The following OSBPL1A variants were observed in gnomAD, a reference collection of about 807,000 sequenced individuals.
The protein encoded by OSBPL1A is oxysterol binding protein like 1A.
Under a neutral mutation model 137.1 loss-of-function variants are expected in OSBPL1A, and 80 were observed. The observed-to-expected ratio is 0.58, with a 90% CI of 0.49 to 0.70. The LOEUF is 0.70. Among genes scored for constraint, OSBPL1A ranks in the 30% least tolerant of loss-of-function variants. The probability of loss-of-function intolerance (pLI) is 0.00; values close to 1 mark genes in which losing one functional copy is unlikely to be tolerated. For synonymous variants in OSBPL1A, 365 were observed against 389.7 expected (o/e 0.94, Z 0.75); for missense variants, 970 against 1,129.4 (o/e 0.86, Z 2.02).
chr18:24,362,554 T>C (rs897392300), intron 4 of OSBPL1A, among the ~76,000 whole-genome samples: 1 of 152,206 alleles, frequency 6.6e-6, no homozygotes, highest in Non-Finnish European at 1.5e-5. Flanking sequence ...TGAAACAATA[T>C]AATAATAAAT....
chr18:24,250,896 A>T (rs965462350), intron 15 of OSBPL1A, among the ~76,000 whole-genome samples: 1 of 152,204 alleles, frequency 6.6e-6, no homozygotes, highest in Non-Finnish European at 1.5e-5. Context: ...GGTGAGTCCC[A>T]GGCCTAGTAG....
At chr18:24,380,952 CAAAAA>C (rs60495683) in intron 1 of OSBPL1A, among the ~76,000 whole-genome samples, 1 of 123,200 alleles carries the variant, frequency 8.1e-6, no homozygotes. Context: ...AATTCCATCT[CAAAAA>C]AAAAAAAAAA....
rs1271199683 is a variant in OSBPL1A, at chr18:24,385,365, TGG to T, written c.-2-7832_-2-7831del. On this transcript the variant is annotated intron_variant, in intron 1 of 27. Transcript: ENST00000319481. ...ATAATTGCACCACTATATTCCAACC[TGG>T]GTAACAGAAGGAGATCCTGTCTCTA... Among the ~76,000 whole-genome samples the T allele has an allele frequency of 3.4e-4, 52 of 152,184 alleles. 1 individual carries two copies. Among genetic ancestry groups the T allele is most frequent in the African/African-American group, 1.2e-3 (49 of 41,518 alleles).
At chr18:24,293,227 G>A (rs1199319066) in intron 14 of OSBPL1A, among the ~76,000 whole-genome samples, 1 of 152,008 alleles carries the variant, frequency 6.6e-6, no homozygotes, top group East Asian at 1.9e-4. Context: ...ACTGGCGTGC[G>A]GGACACAGTT....
At chr18:24,345,636 A>C (rs2091334762) in intron 4 of OSBPL1A, among the ~76,000 whole-genome samples, 1 of 152,140 alleles carries the variant, frequency 6.6e-6, no homozygotes, top group Non-Finnish European at 1.5e-5. Flanking sequence ...CAATGAGCTG[A>C]GATTGTCCTG....
At chr18:24,326,313 C>A (rs2090978650) in intron 7 of OSBPL1A, among the ~76,000 whole-genome samples, 2 of 152,222 alleles carry the variant, frequency 1.3e-5, no homozygotes, top group Non-Finnish European at 2.9e-5. Flanking sequence ...GAGACACTTT[C>A]TGAGGTGTCT....
chr18:24,215,358 C>T (rs1185293613), intron 17 of OSBPL1A, among the ~76,000 whole-genome samples: 3 of 152,110 alleles, frequency 2.0e-5, no homozygotes, highest in African/African-American at 7.2e-5. Context: ...GGTCATAGCC[C>T]AGACAATGAG....
At chr18:24,169,684 G>A (rs867188622) in intron 24 of OSBPL1A, among the ~76,000 whole-genome samples, 3 of 152,154 alleles carry the variant, frequency 2.0e-5, no homozygotes, top group African/African-American at 4.8e-5. Context: ...AAAGGAATCC[G>A]TCCTCAAATA....
chr18:24,354,196 GA>G (rs1410615448), intron 4 of OSBPL1A, among the ~76,000 whole-genome samples: 2 of 151,908 alleles, frequency 1.3e-5, no homozygotes, highest in African/African-American at 4.8e-5. Flanking sequence ...AAGTGGTAAA[GA>G]ACCACCTCAA....
intron 18 of OSBPL1A, among the ~76,000 whole-genome samples, chr18:24,189,896 G>A (rs1175987197): frequency 1.3e-5 from 2 of 152,372 alleles, no homozygotes; most frequent in East Asian, 3.9e-4. Flanking sequence ...AGACACGCAG[G>A]CAGAAAGGAA....
At position 24,167,355 on chromosome 18, in the gene OSBPL1A, C is replaced by T. The variant is rs1290354073; in HGVS notation, c.2509G>A (p.Ala837Thr). 37 of 1,614,072 alleles carry T rather than the reference C, an allele frequency of 2.3e-5. No individual in the cohort carries two copies. The highest frequency in any genetic ancestry group is 3.1e-5 in the Non-Finnish European group (36 of 1,180,026). ...IPGSVLLWRI[A>T]PRPPNSAQMY... is the part of the protein sequence containing the mutation. ...TGGGCAGAATTTGGAGGCCGTGGGG[C>T]TATTCGCCATAGAAGAACGCTTCCA... Residue 837 changes from alanine (A) to threonine (T), a missense_variant, in exon 25 of 28, where the codon GCC becomes ACC. Ala to Thr is a moderately conservative substitution (Grantham distance 58). Around this residue, in one of 2 missense-constraint regions of OSBPL1A, gnomAD observed 323 missense variants for 456.8 expected, o/e 0.71. Coordinates refer to ENST00000319481, the MANE Select transcript of OSBPL1A (RefSeq NM_080597.4).
chr18:24,290,583 T>C (rs892645304), intron 14 of OSBPL1A, among the ~76,000 whole-genome samples: 2 of 152,164 alleles, frequency 1.3e-5, no homozygotes, highest in Admixed American at 6.5e-5. Flanking sequence ...ATTGGGAGGC[T>C]GAGACAGGAG....
At chr18:24,393,802 T>C (rs1382790776) in intron 1 of OSBPL1A, among the ~76,000 whole-genome samples, 1 of 152,244 alleles carries the variant, frequency 6.6e-6, no homozygotes, top group Non-Finnish European at 1.5e-5. Flanking sequence ...TTAAATGCCA[T>C]TGATTCTCAT....
At chr18:24,256,993 G>GAAAAAAAAAAAAAAAAAAA (rs1182823148) in intron 15 of OSBPL1A, among the ~76,000 whole-genome samples, 1 of 75,806 alleles carries the variant, frequency 1.3e-5, no homozygotes. Context: ...AAAAAAAAAG[G>GAAAAAAAAAAAAAAAAAAA]AAAGATATTC....
intron 7 of OSBPL1A, among the ~76,000 whole-genome samples, chr18:24,320,538 A>T (rs1034940247): frequency 6.6e-6 from 1 of 152,146 alleles, no homozygotes; most frequent in Non-Finnish European, 1.5e-5. Flanking sequence ...TGAGGTAGGA[A>T]CAATTCAGCA....
chr18:24,300,313 G>A (rs2632431), intron 14 of OSBPL1A, among the ~76,000 whole-genome samples: 3,017 of 152,308 alleles, frequency 0.02, 100 homozygotes, highest in African/African-American at 0.07. Context: ...TGAAAATAAC[G>A]CTGGGAAATT....
intron 18 of OSBPL1A, among the ~76,000 whole-genome samples, chr18:24,193,226 C>T (rs1305849883): frequency 2.6e-5 from 4 of 152,098 alleles, no homozygotes; most frequent in Non-Finnish European, 4.4e-5. Flanking sequence ...GTGGCTCATG[C>T]CTGTAATCCC....
At chr18:24,262,690 G>A (rs111606161) in intron 15 of OSBPL1A, among the ~76,000 whole-genome samples, 2,208 of 145,224 alleles carry the variant, frequency 0.015, 48 homozygotes, top group African/African-American at 0.058. Flanking sequence ...TCAAGATACA[G>A]GACATTTCCA....
chr18:24,309,495 A>C lies in OSBPL1A; in HGVS notation c.1092+2489T>G, dbSNP rs535065256. ...AATCCAAAAGCATGTTAAGGAAATA[A>C]AATCAGTTTTGTTGTTAATTCAGAT... On this transcript the variant is annotated intron_variant, in intron 13 of 27. Coordinates refer to ENST00000319481, the MANE Select transcript of OSBPL1A (RefSeq NM_080597.4). Among the ~76,000 whole-genome samples, 44 of 152,330 alleles carry C rather than the reference A, an allele frequency of 2.9e-4. 1 individual carries two copies. In the South Asian group the frequency reaches 8.3e-3, roughly 29 times the overall value.
Sources: gnomAD v4.1 joint callset for allele counts (sites outside exome capture counted in the v4.1 genomes callset) on GRCh38, gnomAD v4.1.1 for gene constraint, gnomAD v4.1.1 regional missense constraint, MANE v1.5 for transcripts, NCBI Gene and HGNC (gene_info 2026-07-23, HGNC 2026-07-21) for gene names.